Variants in C12orf42 observed in about 807,000 individuals in gnomAD.
C12orf42 encodes the protein chromosome 12 open reading frame 42, also known as uncharacterized protein C12orf42.
In C12orf42, 25 loss-of-function variants were observed where a neutral mutation model predicts 21.6. The ratio of observed to expected loss-of-function variants is 1.16; its 90% CI spans 0.84 to 1.62. The LOEUF is 1.62. C12orf42 is among the 40% of genes most tolerant of loss of function. The pLI is 0.00. For synonymous variants in C12orf42, 174 were observed against 175.0 expected, an observed-to-expected ratio of 0.99 and a Z score of 0.05; for missense variants, 483 against 459.3, an observed-to-expected ratio of 1.05 and a Z score of -0.47.
the C12orf42 span, among the ~76,000 whole-genome samples, chr12:103,047,662 C>G: frequency 6.6e-6 from 1 of 152,118 alleles, no homozygotes; most frequent in Admixed American, 6.5e-5. Context: ...GTTTCTGGGC[C>G]TCGGGTTTGA....
chr12:103,487,778 C>T (rs908129431), intron 1 of C12orf42, among the ~76,000 whole-genome samples: 4 of 151,912 alleles, frequency 2.6e-5, no homozygotes, highest in Admixed American at 2.0e-4. Flanking sequence ...GGCTTGCAAC[C>T]CCTCCTTTTT....
chr12:103,464,344 T>C (rs1952950826), intron 2 of C12orf42, among the ~76,000 whole-genome samples: 1 of 152,174 alleles, frequency 6.6e-6, no homozygotes, highest in Non-Finnish European at 1.5e-5. Flanking sequence ...GCTTTTTTCA[T>C]ATGTTTCTTG....
intron 10 of C12orf42, among the ~76,000 whole-genome samples, chr12:103,256,155 C>T (rs1379565180): frequency 8.3e-6 from 1 of 120,688 alleles, no homozygotes; most frequent in African/African-American, 3.1e-5. Flanking sequence ...CGTATATATA[C>T]ACACATATAT....
intron 4 of C12orf42, among the ~76,000 whole-genome samples, chr12:103,282,693 G>T (rs1047769616): frequency 3.3e-5 from 5 of 152,126 alleles, no homozygotes; most frequent in African/African-American, 9.7e-5. Flanking sequence ...TTGTACAATG[G>T]AAAAAAGCGA....
chr12:103,137,417 T>A, the C12orf42 span, among the ~76,000 whole-genome samples: 1 of 149,756 alleles, frequency 6.7e-6, no homozygotes, highest in Non-Finnish European at 1.5e-5. Flanking sequence ...AGAGTGTTGA[T>A]GGGAATGTAA....
intron 2 of C12orf42, among the ~76,000 whole-genome samples, chr12:103,467,046 G>C (rs1953195695): frequency 6.6e-6 from 1 of 152,196 alleles, no homozygotes; most frequent in African/African-American, 2.4e-5. Context: ...GGAGCCATGA[G>C]AGTCTGAGAA....
At chr12:103,187,479 T>C in the C12orf42 span, among the ~76,000 whole-genome samples, 1 of 152,156 alleles carries the variant, frequency 6.6e-6, no homozygotes, top group Admixed American at 6.5e-5. Flanking sequence ...ACCACTGAGG[T>C]CATGCTATAG....
chr12:103,373,215 T>C (rs2045411320), intron 3 of C12orf42, among the ~76,000 whole-genome samples: 1 of 152,208 alleles, frequency 6.6e-6, no homozygotes, highest in Admixed American at 6.5e-5. Context: ...TTGATCTTCT[T>C]GATGGATGGC....
the C12orf42 span, among the ~76,000 whole-genome samples, chr12:103,137,216 T>C: frequency 6.6e-6 from 1 of 152,038 alleles, no homozygotes; most frequent in African/African-American, 2.4e-5. Context: ...GCAAAGGACA[T>C]GAATAGACAT....
chr12:103,263,903 TG>T (rs1024990774), downstream of C12orf42, among the ~76,000 whole-genome samples: 1 of 152,168 alleles, frequency 6.6e-6, no homozygotes, highest in African/African-American at 2.4e-5. Context: ...GTGCTTTAAC[TG>T]GAACCTGGCT....
At chr12:103,446,639 A>G (rs1158972638) in intron 2 of C12orf42, among the ~76,000 whole-genome samples, 1 of 152,006 alleles carries the variant, frequency 6.6e-6, no homozygotes, top group African/African-American at 2.4e-5. Context: ...AAGGACTCAC[A>G]TAAACTTAAG....
At chr12:103,528,642 G>A in the C12orf42 span, among the ~76,000 whole-genome samples, 816 of 152,186 alleles carry the variant, frequency 5.4e-3, 6 homozygotes, top group African/African-American at 0.017. Context: ...GCTCCCCTTC[G>A]CCTTCTGCCA....
chr12:103,267,479 AC>A (rs1728344091), downstream of C12orf42: 2 of 152,206 alleles, frequency 1.3e-5, no homozygotes, highest in Admixed American at 6.5e-5. Context: ...ATGTGAAATT[AC>A]ACAAATTATA....
intron 4 of C12orf42, among the ~76,000 whole-genome samples, chr12:103,343,637 C>T (rs1290977120): frequency 2.0e-5 from 3 of 151,472 alleles, no homozygotes; most frequent in Non-Finnish European, 4.4e-5. Context: ...AAAAATCAGC[C>T]GAGCATAGTG....
intron 2 of C12orf42, among the ~76,000 whole-genome samples, chr12:103,421,053 G>A (rs2049852488): frequency 6.6e-6 from 1 of 152,092 alleles, no homozygotes; most frequent in African/African-American, 2.4e-5. Context: ...TAATCACAGT[G>A]CACCAATATG....
Position 103,302,215 on chromosome 12 carries a change from T to A in C12orf42, c.976A>T (p.Arg326Trp), listed in dbSNP as rs769385445. The part of the protein sequence containing the change: ...AGASTHFPSK[R>W]LIKVCSSAPP... Reference sequence around the variant, plus strand: ...GCTGAGGAGCAAACCTTTATTAACCTCTTGGAGGGGAAATGGGTGGAAGCA... The same window carrying A: ...GCTGAGGAGCAAACCTTTATTAACCACTTGGAGGGGAAATGGGTGGAAGCA... Residue 326 changes from arginine (R) to tryptophan (W), a missense_variant, in exon 6 of 6, where the codon AGG becomes TGG. Physicochemically the swap from Arg to Trp is moderately radical, Grantham distance 101. Coordinates refer to ENST00000548883, the MANE Select transcript of C12orf42 (RefSeq NM_198521.5). The A allele has an allele frequency of 6.8e-6, 11 of 1,611,892 alleles. No homozygotes were observed. The highest frequency in any genetic ancestry group is 8.5e-6 in the Non-Finnish European group (10 of 1,179,146).
intron 1 of C12orf42, 41 bp from the exon 2 acceptor site, chr12:103,478,488 G>A (rs1954231073): frequency 3.1e-6 from 3 of 954,816 alleles, no homozygotes; most frequent in Non-Finnish European, 4.6e-6. Context: ...GGTTTACAAT[G>A]ATGCAATGAT....
the C12orf42 span, among the ~76,000 whole-genome samples, chr12:103,191,613 T>C: frequency 7.2e-6 from 1 of 139,200 alleles, no homozygotes; most frequent in Non-Finnish European, 1.5e-5. Context: ...TGGTGGCCCA[T>C]GTTTGTGTTC....
the C12orf42 span, among the ~76,000 whole-genome samples, chr12:103,065,721 G>T: frequency 1.3e-5 from 2 of 152,222 alleles, no homozygotes; most frequent in African/African-American, 2.4e-5. Context: ...TGTGGAGCCT[G>T]TCAAGATATT....
Sources: allele counts gnomAD v4.1 joint callset (sites outside exome capture counted in the v4.1 genomes callset), GRCh38; gene constraint gnomAD v4.1.1; transcripts MANE v1.5; gene names NCBI Gene and HGNC (gene_info 2026-07-23, HGNC 2026-07-21).